The following FANCI variants were observed in gnomAD, a reference collection of about 807,000 sequenced individuals.
The protein encoded by FANCI is FA complementation group I, also known as Fanconi anemia group I protein.
FANCI carries 156 observed loss-of-function variants against 176.1 expected under a neutral mutation model. The observed-to-expected ratio is 0.89, with a 90% CI of 0.78 to 1.01. FANCI has a LOEUF of 1.01. Among genes scored for constraint, FANCI ranks in the 50% least tolerant of loss-of-function variants. The pLI, the probability that FANCI is intolerant of heterozygous loss-of-function variation, is 0.00. For synonymous variants in FANCI, 613 were observed against 541.7 expected (o/e 1.13, Z -1.83); for missense variants, 1,678 against 1,534.1 (o/e 1.09, Z -1.57).
chr15:89,268,616 A>C (rs1433202144), intron 10 of FANCI, 91 bp downstream of exon 10: 2 of 1,493,818 alleles, frequency 1.3e-6, no homozygotes, highest in Non-Finnish European at 9.3e-7. Flanking sequence ...GACAGGAAAT[A>C]AATACTGTAA....
chr15:89,259,158 TTATA>T (rs2052617163), intron 3 of FANCI: 1 of 218,620 alleles, frequency 4.6e-6, no homozygotes, highest in African/African-American at 2.3e-5. Context: ...TTAAGGTGCC[TTATA>T]TAGAGATTCT....
At chr15:89,304,602 T>G (rs1238084417) in intron 28 of FANCI, among the ~76,000 whole-genome samples, 1 of 152,172 alleles carries the variant, frequency 6.6e-6, no homozygotes, top group Admixed American at 6.5e-5. Flanking sequence ...AATGTCTGCC[T>G]TCTTTGGGCA....
At chr15:89,301,482 A>G (rs2054522474) in intron 27 of FANCI, 40 bp downstream of exon 27, 2 of 1,321,288 alleles carry the variant, frequency 1.5e-6, no homozygotes, top group Non-Finnish European at 1.1e-6. Context: ...AGCATTCCTC[A>G]GAAGGCAAGG....
At chr15:89,280,050 C>T (rs950001654) in intron 14 of FANCI, among the ~76,000 whole-genome samples, 9 of 152,074 alleles carry the variant, frequency 5.9e-5, no homozygotes, top group Admixed American at 1.3e-4. Flanking sequence ...GAGATGGAGT[C>T]TCACTCTGTC....
Position 89,281,793 on chromosome 15 carries a change from G to A in FANCI, c.1541G>A (p.Arg514Lys). 2.5e-6 allele frequency: 4 copies of A among 1,613,946 alleles called. No homozygotes were observed. Among genetic ancestry groups the A allele is most frequent in the Non-Finnish European group, 3.4e-6 (4 of 1,179,920 alleles). ...CTTCTCAAAGTCAGCATGTCAATGA[G>A]AGACTGCTTGATACTTGTCCTTCGG... ...QPLLKVSMSM[R>K]DCLILVLRKA... The change falls in exon 16 of 38, where the codon AGA becomes AAA. Residue 514 changes from arginine (R) to lysine (K), a missense_variant. Physicochemically the swap from Arg to Lys is conservative, Grantham distance 26. Transcript: ENST00000310775.
intron 34 of FANCI, chr15:89,308,097 G>A (rs1437028302): frequency 8.9e-7 from 1 of 1,118,272 alleles, no homozygotes; most frequent in Non-Finnish European, 1.1e-6. Context: ...GGCTTTGTAA[G>A]TGTCATTTGG....
intron 9 of FANCI, among the ~76,000 whole-genome samples, chr15:89,266,397 C>G (rs145382353): frequency 6.8e-6 from 1 of 146,840 alleles, no homozygotes; most frequent in Non-Finnish European, 1.5e-5. Flanking sequence ...GGCATGATGT[C>G]AGGTCACTGC....
chr15:89,264,097 C>T (rs2052834824), intron 8 of FANCI, 71 bp downstream of exon 8: 9 of 1,568,066 alleles, frequency 5.7e-6, no homozygotes. Context: ...CTTATTCATA[C>T]CCTTGGTTTA....
intron 24 of FANCI, among the ~76,000 whole-genome samples, chr15:89,296,816 C>T (rs1486179065): frequency 6.7e-6 from 1 of 148,854 alleles, no homozygotes; most frequent in Admixed American, 6.7e-5. Context: ...GGCTGACCCC[C>T]CCACCTCCCT....
At chr15:89,285,068 G>C (rs1271319674) in intron 17 of FANCI, 28 bp from the exon 18 acceptor site, 6 of 1,613,618 alleles carry the variant, frequency 3.7e-6, no homozygotes, top group Non-Finnish European at 4.2e-6. Flanking sequence ...TGGTAAGATA[G>C]ACGTGAATTG....
At chr15:89,286,183 G>T (rs1378831129) in intron 18 of FANCI, among the ~76,000 whole-genome samples, 1 of 152,008 alleles carries the variant, frequency 6.6e-6, no homozygotes, top group Non-Finnish European at 1.5e-5. Context: ...AGTAGAGATG[G>T]GATTTCACCA....
intron 10 of FANCI, among the ~76,000 whole-genome samples, chr15:89,270,118 AT>A (rs201661946): frequency 2.3e-4 from 35 of 149,628 alleles, no homozygotes; most frequent in East Asian, 7.8e-4. Context: ...CCTTCCTTTG[AT>A]TTTTTTTTTC....
At chr15:89,262,831 A>T (rs139819779) in intron 6 of FANCI, among the ~76,000 whole-genome samples, 1 of 152,368 alleles carries the variant, frequency 6.6e-6, no homozygotes, top group East Asian at 1.9e-4. Context: ...TGGCTAATCT[A>T]CAATTGTCAG....
intron 14 of FANCI, 115 bp from the exon 15 acceptor site, chr15:89,281,055 C>G (rs1343879088): frequency 9.4e-7 from 1 of 1,060,028 alleles, no homozygotes; most frequent in East Asian, 2.5e-5. Context: ...TTGCAGTATA[C>G]TTGACTTATT....
chr15:89,281,881 G>T lies in FANCI; in HGVS notation c.1583+46G>T, dbSNP rs371774997. 2.6e-6 allele frequency: 4 copies of T among 1,563,078 alleles called. No individual in the cohort carries two copies. The African/African-American group carries it at 5.4e-5, about 21-fold the overall frequency. Reference sequence around the variant, plus strand: ...TCATAGGAAGACGTTGTCTTCTAATGTTGGAGCTAAAGTTATCTCTGCCAT... The same window carrying T: ...TCATAGGAAGACGTTGTCTTCTAATTTTGGAGCTAAAGTTATCTCTGCCAT... On this transcript the variant is annotated intron_variant, in intron 16 of 37. Transcript: ENST00000310775.
At chr15:89,252,193 G>A (rs892110360) in intron 2 of FANCI, among the ~76,000 whole-genome samples, 9 of 150,564 alleles carry the variant, frequency 6.0e-5, no homozygotes, top group Non-Finnish European at 1.3e-4. Context: ...CCAGCTACTC[G>A]GGAGGCTGAG....
chr15:89,288,644 G>A (rs34831225), intron 18 of FANCI, among the ~76,000 whole-genome samples: 51,180 of 147,912 alleles, frequency 0.35, 9,218 homozygotes, highest in Non-Finnish European at 0.39. Context: ...TTAAGAGACA[G>A]AGTCTTCCTC....
chr15:89,279,141 TTTG>T (rs140164531), intron 14 of FANCI, among the ~76,000 whole-genome samples: 52,337 of 150,832 alleles, frequency 0.35, 9,506 homozygotes, highest in Non-Finnish European at 0.39. Context: ...AATTTGCTGT[TTTG>T]TTGTTGTTGT....
Position 89,264,167 on chromosome 15 carries a change from C to T in FANCI, c.669+141C>T, listed in dbSNP as rs964005544. ...TTCATTTCACGTGAGCAAACATAGC[C>T]GAACATAGATGCTTTCATTTCACAT... On this transcript the variant is annotated intron_variant, in intron 8 of 37. Transcript: ENST00000310775. 3.3e-5 allele frequency: 32 copies of T among 956,702 alleles called. No individual in the cohort carries two copies. In the African/African-American group the frequency reaches 3.7e-4, roughly 11 times the overall value. The allele number at this position is 956,702 out of a possible 1,614,324, so 59.3% of individuals were successfully genotyped here. A position where few individuals can be genotyped will look rare whatever the true frequency, so the allele number is the denominator to read the frequency against.
Sources: gnomAD v4.1 joint callset for allele counts (sites outside exome capture counted in the v4.1 genomes callset) on GRCh38, gnomAD v4.1.1 for gene constraint, MANE v1.5 for transcripts, NCBI Gene and HGNC (gene_info 2026-07-23, HGNC 2026-07-21) for gene names.